The following THAP3 variants were observed in gnomAD, a reference collection of about 807,000 sequenced individuals.
THAP3 encodes THAP domain-containing protein 3.
In THAP3, 12 loss-of-function variants were observed where a neutral mutation model predicts 17.7. The observed-to-expected ratio is 0.68, with a 90% CI of 0.43 to 1.10. The LOEUF (loss-of-function observed/expected upper bound fraction) is 1.10, where lower values mean the gene tolerates loss of function less well. THAP3 is among the 50% of genes least tolerant of loss of function. The probability of loss-of-function intolerance (pLI) is 0.00; values close to 1 mark genes in which losing one functional copy is unlikely to be tolerated. For missense variants in THAP3, 289 were observed against 318.0 expected, an observed-to-expected ratio of 0.91 and a Z score of 0.69; for synonymous variants, 133 against 126.9, an observed-to-expected ratio of 1.05 and a Z score of -0.32.
Position 6,632,932 on chromosome 1 carries a change from T to C in THAP3, c.575T>C (p.Leu192Pro). Residue 192 changes from leucine (L) to proline (P), a missense_variant, in exon 6 of 6, where the codon CTC becomes CCC. By Grantham distance (98) the Leu-to-Pro change is moderately conservative. Transcript: ENST00000054650. ...LLDLDSLKKK[L>P]FLTLKENEKL... ...GACTTAGATTCCCTGAAGAAAAAAC[T>C]CTTCCTCACTCTGAAGGAAAATGAA... 6.2e-7 allele frequency: 1 copy of C among 1,612,888 alleles called. No individual in the cohort carries two copies. Among genetic ancestry groups the C allele is most frequent in the Non-Finnish European group, 8.5e-7 (1 of 1,179,878 alleles).
downstream of THAP3, chr1:6,634,073 GT>G (rs1641704501): frequency 6.2e-7 from 1 of 1,613,626 alleles, no homozygotes; most frequent in Non-Finnish European, 8.5e-7. Flanking sequence ...AAGCCTTGTG[GT>G]TGAGTGAGGA....
Position 6,633,487 on chromosome 1 carries a change from G to A in THAP3, c.*410G>A. ...GTCCCCTCCTCCATCAGCCTGGACA[G>A]CCGCTCGGGGTTCTAAGGAGTGACT... On this transcript the variant is annotated 3_prime_UTR_variant, in exon 6 of 6. Transcript: ENST00000054650. 8.9e-7 allele frequency: 1 copy of A among 1,126,110 alleles called. No homozygotes were observed. Among genetic ancestry groups the A allele is most frequent in the African/African-American group, 1.6e-5 (1 of 62,288 alleles). The allele number at this position is 1,126,110 out of a possible 1,614,324, so 69.8% of individuals were successfully genotyped here.
chr1:6,634,527 C>G (rs1256419708), downstream of THAP3: 5 of 1,361,662 alleles, frequency 3.7e-6, no homozygotes, highest in South Asian at 5.8e-5. Context: ...CCAGCTGTCT[C>G]AGCCACCACC....
chr1:6,634,349 TA>T, downstream of THAP3: 1 of 1,117,848 alleles, frequency 8.9e-7, no homozygotes, highest in Non-Finnish European at 1.2e-6. Flanking sequence ...GAAACCTTTT[TA>T]AAAAATGGAG....
intron 1 of THAP3, 55 bp from the exon 2 acceptor site, chr1:6,625,095 C>A: frequency 8.8e-7 from 1 of 1,139,420 alleles, no homozygotes; most frequent in Non-Finnish European, 1.2e-6. Flanking sequence ...TGAGCGCGCC[C>A]TGGAGGCGAG....
At chr1:6,628,805 G>T in intron 3 of THAP3, 114 bp downstream of exon 3, 1 of 1,073,860 alleles carries the variant, frequency 9.3e-7, no homozygotes. Flanking sequence ...AAGAACTCCA[G>T]TGACAACAGC....
At chr1:6,632,213 CAAA>C (rs34491693) in intron 4 of THAP3, among the ~76,000 whole-genome samples, 175 bp from the exon 5 acceptor site, 2 of 144,012 alleles carry the variant, frequency 1.4e-5, no homozygotes, top group African/African-American at 2.6e-5. Context: ...GAGACTGTCT[CAAA>C]AAAAAAAAAA....
At position 6,628,773 on chromosome 1, in the gene THAP3, A is replaced by C. The variant is rs184903909; in HGVS notation, c.267+82A>C. On this transcript the variant is annotated intron_variant, in intron 3 of 5. Transcript: ENST00000054650. ...AGCTGGGGGCAGTGGGGGTGGCGGC[A>C]TGTGTGGGAAAAGCCAAGGCCAAGA... The C allele has an allele frequency of 2.5e-3, 3,621 of 1,427,886 alleles. 72 individuals carry two copies. In the Admixed American group the frequency reaches 0.045, roughly 18 times the overall value. The allele number at this position is 1,427,886 out of a possible 1,614,324, so 88.5% of individuals were successfully genotyped here.
At chr1:6,629,107 CAGG>C (rs1641540485) in intron 3 of THAP3, among the ~76,000 whole-genome samples, 1 of 152,190 alleles carries the variant, frequency 6.6e-6, no homozygotes, top group South Asian at 2.1e-4. Context: ...GAGGCTGAAG[CAGG>C]AGAATCTCTT....
intron 2 of THAP3, among the ~76,000 whole-genome samples, chr1:6,627,095 C>A (rs996039881): frequency 4.6e-5 from 7 of 152,200 alleles, no homozygotes; most frequent in Non-Finnish European, 7.3e-5. Flanking sequence ...CGCATGGCGT[C>A]TGGTACACTT....
intron 3 of THAP3, among the ~76,000 whole-genome samples, chr1:6,628,896 C>T (rs536330031): frequency 1.3e-5 from 2 of 152,308 alleles, no homozygotes; most frequent in Admixed American, 6.5e-5. Context: ...AAATTAAAGG[C>T]ATTTTAAAAA....
downstream of THAP3, chr1:6,635,490 C>T (rs1235682392): frequency 4.7e-6 from 3 of 642,940 alleles, no homozygotes; most frequent in Non-Finnish European, 8.0e-6. Flanking sequence ...TGCCTCAGTC[C>T]TACCCCCAGC....
chr1:6,632,250 A>G, intron 4 of THAP3, 141 bp from the exon 5 acceptor site: 2 of 1,087,758 alleles, frequency 1.8e-6, no homozygotes, highest in Non-Finnish European at 2.7e-6. Context: ...GGTGTGTGCT[A>G]GGGAGAAGCT....
At chr1:6,634,694 GAGGAAGGGTCTGA>G, downstream of THAP3, 1 of 1,366,012 alleles carries the variant, frequency 7.3e-7, no homozygotes, top group Non-Finnish European at 9.8e-7. Flanking sequence ...TGGGCACGTG[GAGGAAGGGTCTGA>G]AGGAAGGCTC....
At position 6,629,765 on chromosome 1, in the gene THAP3, T is replaced by G. The variant is rs1257024432; in HGVS notation, c.268-523T>G. On this transcript the variant is annotated intron_variant, in intron 3 of 5. Coordinates refer to ENST00000054650, the MANE Select transcript of THAP3 (RefSeq NM_001195753.2). The stretch of plus-strand genomic sequence containing the variant: ...TGAACACTTTAATCACCTTCACGTA[T>G]TTGTGATAACGTTTGTCCTGGAAAG... 1.8e-5 allele frequency: 3 copies of G among 163,194 alleles called. No individual in the cohort carries two copies. The East Asian group carries it at 5.1e-4, about 28-fold the overall frequency. 10.1% of individuals were successfully genotyped at this position (163,194 alleles called of 1,614,324 possible).
In THAP3 at chr1:6,633,299, T is replaced by C. The variant is rs1570252379; in HGVS notation, c.*222T>C. 2.1e-6 allele frequency: 3 copies of C among 1,417,110 alleles called. No individual in the cohort carries two copies. Among genetic ancestry groups the C allele is most frequent in the Non-Finnish European group, 2.8e-6 (3 of 1,089,504 alleles). 87.8% of individuals were successfully genotyped at this position (1,417,110 alleles called of 1,614,324 possible). A position where few individuals can be genotyped will look rare whatever the true frequency, so the allele number is the denominator to read the frequency against. ...CACTAGGAGTGCACATCTGTGAGCA[T>C]GACAAGCTTATCCTCCCATGGTAAC... On this transcript the variant is annotated 3_prime_UTR_variant, in exon 6 of 6. Transcript: ENST00000054650.
At position 6,632,781 on chromosome 1, in the gene THAP3, C is replaced by T. The variant is rs777430494; in HGVS notation, c.439-15C>T. ...CTGGTGATGCAGCTCTAGGCTCTCACTCCCCTGTCCTCAGGTCTCGCCACG... is the reference window on the plus strand; with the variant it reads ...CTGGTGATGCAGCTCTAGGCTCTCATTCCCCTGTCCTCAGGTCTCGCCACG... On this transcript the variant is annotated splice_polypyrimidine_tract_variant and intron_variant, in intron 5 of 5. Transcript: ENST00000054650. The T allele has an allele frequency of 3.1e-6, 5 of 1,612,516 alleles. No individual in the cohort carries two copies. In the East Asian group the frequency reaches 6.7e-5, roughly 22 times the overall value.
intron 4 of THAP3, among the ~76,000 whole-genome samples, chr1:6,631,823 G>T (rs899954894): frequency 6.6e-6 from 1 of 152,078 alleles, no homozygotes; most frequent in East Asian, 1.9e-4. Context: ...GGGGGCGGAG[G>T]TTGCAGTGAG....
intron 2 of THAP3, 22 bp downstream of exon 2, chr1:6,625,314 G>T (rs1024520550): frequency 1.3e-6 from 2 of 1,523,950 alleles, no homozygotes; most frequent in African/African-American, 2.9e-5. Context: ...GGACCCGGGG[G>T]CGCGGGAGGC....
Sources: allele counts gnomAD v4.1 joint callset (sites outside exome capture counted in the v4.1 genomes callset), GRCh38; gene constraint gnomAD v4.1.1; transcripts MANE v1.5; gene names NCBI Gene and HGNC (gene_info 2026-07-23, HGNC 2026-07-21).